Variants in STAU2 observed in about 807,000 individuals in gnomAD.
The protein encoded by STAU2 is staufen double-stranded RNA binding protein 2.
In STAU2, 20 loss-of-function variants were observed where a neutral mutation model predicts 65.9. The ratio of observed to expected loss-of-function variants is 0.30; its 90% CI spans 0.21 to 0.44. The LOEUF is 0.44. STAU2 is among the 20% of genes least tolerant of loss of function. The probability of loss-of-function intolerance (pLI) is 1.00; values close to 1 mark genes in which losing one functional copy is unlikely to be tolerated. For missense variants in STAU2, 558 were observed against 683.9 expected (o/e 0.82, Z 2.05); for synonymous variants, 232 against 233.9 (o/e 0.99, Z 0.07).
At chr8:73,509,362 T>C (rs58639537) in intron 13 of STAU2, among the ~76,000 whole-genome samples, 11,780 of 152,216 alleles carry the variant, frequency 0.077, 717 homozygotes, top group Admixed American at 0.15. Flanking sequence ...TATTGAGATA[T>C]AGGAGCTCTT....
At position 73,546,452 on chromosome 8, in the gene STAU2, A is replaced by AAT. The variant is rs1806944121; in HGVS notation, c.1530+5558_1530+5559dup. Among the ~76,000 whole-genome samples, 3 of 152,336 alleles carry AAT rather than the reference A, an allele frequency of 2.0e-5. No individual in the cohort carries two copies. In the South Asian group the frequency reaches 6.2e-4, roughly 32 times the overall value. Reference sequence around the variant, plus strand: ...TATACAATAGCTTTCTTCAAAATCAAATAAAAGATTTGTAGGCAAAAACAT... The same window carrying AAT: ...TATACAATAGCTTTCTTCAAAATCAAATATAAAAGATTTGTAGGCAAAAACAT... On this transcript the variant is annotated intron_variant, in intron 13 of 14. Transcript: ENST00000524300.
intron 12 of STAU2, among the ~76,000 whole-genome samples, chr8:73,569,108 C>T (rs1156442317): frequency 6.6e-6 from 1 of 152,086 alleles, no homozygotes; most frequent in Non-Finnish European, 1.5e-5. Flanking sequence ...ACACCGCCAC[C>T]CTAATACTGC....
intron 13 of STAU2, among the ~76,000 whole-genome samples, chr8:73,443,246 G>A (rs1366418445): frequency 6.6e-6 from 1 of 152,182 alleles, no homozygotes; most frequent in Non-Finnish European, 1.5e-5. Context: ...ATGTGGAAAG[G>A]TTATGAATTA....
chr8:73,561,225 T>C (rs950695946), intron 12 of STAU2, among the ~76,000 whole-genome samples: 7 of 152,178 alleles, frequency 4.6e-5, no homozygotes, highest in South Asian at 2.1e-4. Context: ...AGGGAAGTGA[T>C]TGGGGAGTTC....
chr8:73,511,489 T>C (rs966096973), intron 13 of STAU2: 1 of 152,714 alleles, frequency 6.5e-6, no homozygotes, highest in African/African-American at 2.4e-5. Flanking sequence ...TAGGAATAGA[T>C]GGTTAGAGAC....
chr8:73,463,716 T>G (rs958164906), intron 13 of STAU2, among the ~76,000 whole-genome samples: 2 of 152,222 alleles, frequency 1.3e-5, no homozygotes, highest in Non-Finnish European at 2.9e-5. Flanking sequence ...ATTTCCTCTG[T>G]TCCTTGTTTA....
rs868408552 is a variant in STAU2 at position 73,497,991 on chromosome 8, G to T, written c.1530+54021C>A. On this transcript the variant is annotated intron_variant, in intron 13 of 14. Coordinates refer to ENST00000524300, the MANE Select transcript of STAU2 (RefSeq NM_001164380.2). ...TGGTAATGATACAACTTATGTACAC[G>T]TGGCAACATAATATACTGATCTCTT... is the stretch of plus-strand genomic sequence containing the variant. 1.7e-4 allele frequency among the ~76,000 whole-genome samples: 26 copies of T among 151,824 alleles called. No individual in the cohort carries two copies. In the Middle Eastern group the frequency reaches 0.014, roughly 79 times the overall value.
chr8:73,553,798 G>A (rs959866206), intron 12 of STAU2, among the ~76,000 whole-genome samples: 1 of 151,436 alleles, frequency 6.6e-6, no homozygotes, highest in Non-Finnish European at 1.5e-5. Flanking sequence ...ACTTTTTAAA[G>A]TTTTCTTTTT....
chr8:73,459,763 G>C (rs16938664), intron 13 of STAU2, among the ~76,000 whole-genome samples: 1 of 152,040 alleles, frequency 6.6e-6, no homozygotes. Flanking sequence ...TGTTACTAAG[G>C]GCCCTGGTAT....
At chr8:73,616,797 C>CA (rs112232370) in intron 7 of STAU2, among the ~76,000 whole-genome samples, 28,723 of 145,216 alleles carry the variant, frequency 0.2, 2,944 homozygotes, top group East Asian at 0.37. Context: ...GGCTCCATCT[C>CA]AAAAAAAAAA....
intron 5 of STAU2, among the ~76,000 whole-genome samples, chr8:73,682,260 A>G (rs1371529518): frequency 6.6e-6 from 1 of 151,942 alleles, no homozygotes. Flanking sequence ...AGAAAATCAA[A>G]ATTATATCAA....
At chr8:73,524,328 C>T (rs939705258) in intron 13 of STAU2, among the ~76,000 whole-genome samples, 1 of 151,994 alleles carries the variant, frequency 6.6e-6, no homozygotes, top group Non-Finnish European at 1.5e-5. Flanking sequence ...GAGGAAAGGA[C>T]AGAAGAGGTA....
At chr8:73,685,641 G>C (rs1818750715) in intron 5 of STAU2, among the ~76,000 whole-genome samples, 2 of 152,112 alleles carry the variant, frequency 1.3e-5, no homozygotes. Context: ...CTCCCAAAGT[G>C]CTGGGATTAC....
chr8:73,577,786 C>T (rs1809687688), intron 12 of STAU2, among the ~76,000 whole-genome samples: 1 of 152,064 alleles, frequency 6.6e-6, no homozygotes, highest in African/African-American at 2.4e-5. Flanking sequence ...AATTTCATAA[C>T]ATTTATTTTT....
chr8:73,436,838 C>T (rs1360392852), intron 13 of STAU2, among the ~76,000 whole-genome samples: 6 of 151,966 alleles, frequency 3.9e-5, no homozygotes, highest in African/African-American at 1.5e-4. Flanking sequence ...CTGCCCGCCT[C>T]AACCTCCCAA....
intron 13 of STAU2, among the ~76,000 whole-genome samples, chr8:73,429,094 C>T (rs1817056549): frequency 6.6e-6 from 1 of 152,296 alleles, no homozygotes; most frequent in Non-Finnish European, 1.5e-5. Flanking sequence ...GATAACTCAA[C>T]CCACATCTCA....
At chr8:73,596,263 A>T (rs902584442) in intron 10 of STAU2, among the ~76,000 whole-genome samples, 6 of 152,184 alleles carry the variant, frequency 3.9e-5, no homozygotes, top group African/African-American at 1.4e-4. Context: ...CTACTGCACA[A>T]TGTTGCTTTG....
At chr8:73,582,721 G>C in intron 12 of STAU2, 49 bp downstream of exon 12, 1 of 1,562,402 alleles carries the variant, frequency 6.4e-7, no homozygotes, top group Non-Finnish European at 8.8e-7. Context: ...GCTAGTCACT[G>C]AGCCACTGAT....
chr8:73,660,839 G>C (rs1322073815), intron 6 of STAU2, among the ~76,000 whole-genome samples: 2 of 152,072 alleles, frequency 1.3e-5, no homozygotes, highest in African/African-American at 4.8e-5. Context: ...ATATGCAATA[G>C]AGAATCAGCC....
Sources: gnomAD v4.1 joint callset for allele counts (sites outside exome capture counted in the v4.1 genomes callset) on GRCh38, gnomAD v4.1.1 for gene constraint, MANE v1.5 for transcripts, NCBI Gene and HGNC (gene_info 2026-07-23, HGNC 2026-07-21) for gene names.